USP13: variants seen among roughly 807,000 people sequenced by gnomAD.
USP13 encodes ubiquitin carboxyl-terminal hydrolase 13.
In USP13, 68 loss-of-function variants were observed where a neutral mutation model predicts 107.8. The ratio of observed to expected loss-of-function variants is 0.63; its 90% CI spans 0.52 to 0.77. USP13 has a LOEUF of 0.77. Among genes scored for constraint, USP13 ranks in the 30% least tolerant of loss-of-function variants. USP13 has a pLI of 0.00. For synonymous variants in USP13, 377 were observed against 389.5 expected (o/e 0.97, Z 0.38); for missense variants, 945 against 1,093.3 (o/e 0.86, Z 1.91).
chr3:179,776,958 C>T (rs1482005115), intron 19 of USP13, among the ~76,000 whole-genome samples: 1 of 138,584 alleles, frequency 7.2e-6, no homozygotes, highest in African/African-American at 2.7e-5. Flanking sequence ...TTGACTTTCT[C>T]TTTGGAGACA....
intron 1 of USP13, among the ~76,000 whole-genome samples, chr3:179,659,350 T>C (rs1720388559): frequency 6.6e-6 from 1 of 152,226 alleles, no homozygotes. Context: ...GTAATAATAA[T>C]GACATCTCAC....
intron 19 of USP13, among the ~76,000 whole-genome samples, chr3:179,770,969 A>G (rs1715326498): frequency 6.6e-6 from 1 of 152,230 alleles, no homozygotes; most frequent in African/African-American, 2.4e-5. Context: ...AACAAACAAA[A>G]TAAAAACAAC....
intron 18 of USP13, 77 bp from the exon 19 acceptor site, chr3:179,765,618 T>C: frequency 2.0e-6 from 3 of 1,527,252 alleles, no homozygotes; most frequent in Non-Finnish European, 2.7e-6. Context: ...GCCTGACATC[T>C]AGTTGAAATG....
chr3:179,753,241 A>C (rs200794749), intron 14 of USP13, among the ~76,000 whole-genome samples: 2 of 152,202 alleles, frequency 1.3e-5, no homozygotes, highest in African/African-American at 2.4e-5. Context: ...AATCGGCTGG[A>C]GTGATTTCCT....
chr3:179,781,639 C>A, intron 19 of USP13, 100 bp from the exon 20 acceptor site: 1 of 963,390 alleles, frequency 1.0e-6, no homozygotes, highest in Non-Finnish European at 1.6e-6. Context: ...CAAATCTAAA[C>A]AGTTGCTGGA....
At chr3:179,693,531 A>T (rs1357503784) in intron 3 of USP13, among the ~76,000 whole-genome samples, 1 of 152,126 alleles carries the variant, frequency 6.6e-6, no homozygotes, top group African/African-American at 2.4e-5. Flanking sequence ...CTCATCTCCT[A>T]GGAACAGGCA....
intron 15 of USP13, among the ~76,000 whole-genome samples, chr3:179,755,862 G>A (rs1714772145): frequency 1.3e-5 from 2 of 152,208 alleles, no homozygotes; most frequent in Non-Finnish European, 2.9e-5. Context: ...AGGTATAAAG[G>A]AAGGGTAAGA....
chr3:179,673,455 A>G (rs1362909390), intron 1 of USP13, among the ~76,000 whole-genome samples: 2 of 152,102 alleles, frequency 1.3e-5, no homozygotes, highest in Non-Finnish European at 2.9e-5. Flanking sequence ...AAATGATACA[A>G]TTTTCCTGCC....
intron 15 of USP13, among the ~76,000 whole-genome samples, chr3:179,756,167 A>G (rs956805266): frequency 5.3e-5 from 8 of 152,118 alleles, no homozygotes; most frequent in Admixed American, 3.9e-4. Context: ...GCTCACATGT[A>G]TAATCCCAGC....
intron 1 of USP13, 130 bp from the exon 2 acceptor site, chr3:179,681,746 TCA>T (rs1031094581): frequency 1.8e-6 from 2 of 1,141,898 alleles, no homozygotes; most frequent in African/African-American, 3.1e-5. Flanking sequence ...AGGTAGGGTA[TCA>T]CAGCAGGAGC....
chr3:179,715,764 G>A lies in USP13; in HGVS notation c.806-4176G>A, dbSNP rs1381668103. On this transcript the variant is annotated intron_variant, in intron 6 of 20. Coordinates refer to ENST00000263966, the MANE Select transcript of USP13 (RefSeq NM_003940.3). ...AGGCACACAGATGTGAACTCCCGGTGGAGAGATGCAGTTTGGGTGGACAGA... is the reference window on the plus strand; with the variant it reads ...AGGCACACAGATGTGAACTCCCGGTAGAGAGATGCAGTTTGGGTGGACAGA... Among the ~76,000 whole-genome samples the A allele has an allele frequency of 2.6e-5, 4 of 152,084 alleles. No homozygotes were observed. The East Asian group carries it at 7.7e-4, about 29-fold the overall frequency.
intron 1 of USP13, among the ~76,000 whole-genome samples, chr3:179,657,086 C>G (rs1300281006): frequency 6.6e-6 from 1 of 152,220 alleles, no homozygotes; most frequent in Non-Finnish European, 1.5e-5. Flanking sequence ...CAGTGTGTAA[C>G]TTCTCTGAGC....
intron 1 of USP13, among the ~76,000 whole-genome samples, chr3:179,657,878 A>T (rs1247978128): frequency 2.6e-5 from 4 of 150,958 alleles, no homozygotes; most frequent in Non-Finnish European, 2.9e-5. Context: ...TGGAGGAGGG[A>T]TGTCTTGGTT....
At chr3:179,718,729 C>T (rs1713194852) in intron 6 of USP13, among the ~76,000 whole-genome samples, 1 of 151,990 alleles carries the variant, frequency 6.6e-6, no homozygotes, top group African/African-American at 2.4e-5. Flanking sequence ...CTCATTCAGT[C>T]GGCCTGAGGC....
intron 16 of USP13, among the ~76,000 whole-genome samples, chr3:179,759,743 A>G (rs1027244346): frequency 1.3e-5 from 2 of 151,864 alleles, no homozygotes; most frequent in Admixed American, 6.6e-5. Context: ...GCGCGATCTC[A>G]GCCCACTGCA....
chr3:179,713,620 A>G (rs1713004190), intron 6 of USP13, among the ~76,000 whole-genome samples: 1 of 152,220 alleles, frequency 6.6e-6, no homozygotes, highest in Non-Finnish European at 1.5e-5. Flanking sequence ...ACAAGAGACG[A>G]AGTCTCAAAG....
At chr3:179,781,615 T>C (rs1715750816) in intron 19 of USP13, 124 bp from the exon 20 acceptor site, 1 of 758,444 alleles carries the variant, frequency 1.3e-6, no homozygotes, top group Non-Finnish European at 2.2e-6. Flanking sequence ...GCAAGGTAAA[T>C]AGACCTTGTC....
At chr3:179,774,383 C>T (rs908288296) in intron 19 of USP13, among the ~76,000 whole-genome samples, 2 of 152,166 alleles carry the variant, frequency 1.3e-5, no homozygotes, top group African/African-American at 4.8e-5. Flanking sequence ...GATGGTGTGT[C>T]CGCAGTTTGT....
At chr3:179,665,218 G>T (rs1720553721) in intron 1 of USP13, among the ~76,000 whole-genome samples, 1 of 152,232 alleles carries the variant, frequency 6.6e-6, no homozygotes, top group Non-Finnish European at 1.5e-5. Context: ...GTGTAAGTGG[G>T]AGGGAAACAG....
Sources: allele counts gnomAD v4.1 joint callset (sites outside exome capture counted in the v4.1 genomes callset), GRCh38; gene constraint gnomAD v4.1.1; transcripts MANE v1.5; gene names NCBI Gene and HGNC (gene_info 2026-07-23, HGNC 2026-07-21).